Variants in SHROOM3 observed in about 807,000 individuals in gnomAD.
SHROOM3 encodes shroom family member 3.
SHROOM3 carries 47 observed loss-of-function variants against 138.6 expected under a neutral mutation model. The observed-to-expected ratio is 0.34, with a 90% CI of 0.27 to 0.43. The LOEUF (loss-of-function observed/expected upper bound fraction) is 0.43, where lower values mean the gene tolerates loss of function less well. Ranked by LOEUF, SHROOM3 falls within the 20% of genes least tolerant of loss-of-function variation. SHROOM3 has a pLI of 1.00. For missense variants in SHROOM3, 2,491 were observed against 2,596.5 expected (o/e 0.96, Z 0.88); for synonymous variants, 1,062 against 1,063.3 (o/e 1.00, Z 0.02).
intron 1 of SHROOM3, among the ~76,000 whole-genome samples, chr4:76,457,277 C>T (rs1320558033): frequency 2.0e-5 from 3 of 152,040 alleles, no homozygotes; most frequent in Admixed American, 6.6e-5. Context: ...CTCATGATAG[C>T]GAGTGAGTGA....
intron 1 of SHROOM3, among the ~76,000 whole-genome samples, chr4:76,493,975 A>G (rs1024365657): frequency 7.9e-5 from 12 of 152,242 alleles, no homozygotes; most frequent in Admixed American, 2.6e-4. Context: ...GTGAAACTCC[A>G]TCTCAAAATA....
At chr4:76,630,091 T>C (rs756191171) in intron 2 of SHROOM3, among the ~76,000 whole-genome samples, 47 of 152,200 alleles carry the variant, frequency 3.1e-4, no homozygotes, top group Admixed American at 1.4e-3. Flanking sequence ...ACTGCACCAA[T>C]CATAACCAGC....
At chr4:76,672,006 AG>A (rs1435471394) in intron 2 of SHROOM3, among the ~76,000 whole-genome samples, 1 of 152,188 alleles carries the variant, frequency 6.6e-6, no homozygotes, top group Non-Finnish European at 1.5e-5. Flanking sequence ...TTTTTGTATT[AG>A]GGATACTCAA....
At chr4:76,524,183 G>A (rs902976587) in intron 1 of SHROOM3, among the ~76,000 whole-genome samples, 4 of 152,346 alleles carry the variant, frequency 2.6e-5, no homozygotes, top group African/African-American at 7.2e-5. Flanking sequence ...TGTATATGCC[G>A]AGGAAGAAGA....
At chr4:76,767,848 G>C (rs1199776848) in intron 9 of SHROOM3, among the ~76,000 whole-genome samples, 1 of 152,016 alleles carries the variant, frequency 6.6e-6, no homozygotes, top group Admixed American at 6.5e-5. Flanking sequence ...TGAAAAACAG[G>C]CTGAAAAAAA....
At position 76,779,299 on chromosome 4, in the gene SHROOM3, AG is replaced by A; in HGVS notation, c.*124del. ...GTTATTGGTGTTTGTTCCTGATGAA[AG>A]GAAAAAAATTCTCTCCAGGAGGAAG... is the stretch of plus-strand genomic sequence containing the variant. On this transcript the variant is annotated 3_prime_UTR_variant, in exon 11 of 11. Transcript: ENST00000296043. 7.3e-7 allele frequency: 1 copy of A among 1,377,368 alleles called. No individual in the cohort carries two copies. Among genetic ancestry groups the A allele is most frequent in the Admixed American group, 2.5e-5 (1 of 40,238 alleles). The allele number at this position is 1,377,368 out of a possible 1,614,324, so 85.3% of individuals were successfully genotyped here. A position where few individuals can be genotyped will look rare whatever the true frequency, so the allele number is the denominator to read the frequency against.
At chr4:76,466,176 C>T (rs1306719658) in intron 1 of SHROOM3, among the ~76,000 whole-genome samples, 2 of 152,070 alleles carry the variant, frequency 1.3e-5, no homozygotes, top group Non-Finnish European at 2.9e-5. Context: ...TTTCATCTTT[C>T]AAGAATCAGC....
chr4:76,591,451 C>G (rs1263263830), intron 2 of SHROOM3, among the ~76,000 whole-genome samples: 1 of 152,154 alleles, frequency 6.6e-6, no homozygotes, highest in African/African-American at 2.4e-5. Flanking sequence ...GGCACACTTC[C>G]CTCAAGTTTT....
At chr4:76,552,686 A>G (rs1733390925) in intron 1 of SHROOM3, among the ~76,000 whole-genome samples, 1 of 151,408 alleles carries the variant, frequency 6.6e-6, no homozygotes, top group Non-Finnish European at 1.5e-5. Flanking sequence ...GTCTGCATAT[A>G]ATTTGTATAT....
intron 5 of SHROOM3, among the ~76,000 whole-genome samples, chr4:76,746,533 A>G (rs1405059131): frequency 1.3e-5 from 2 of 152,136 alleles, no homozygotes; most frequent in Admixed American, 1.3e-4. Flanking sequence ...CACACTCTAT[A>G]ATGTTTGCAC....
At chr4:76,546,626 G>A (rs771610657) in intron 1 of SHROOM3, among the ~76,000 whole-genome samples, 52 of 152,314 alleles carry the variant, frequency 3.4e-4, no homozygotes, top group East Asian at 1.5e-3. Flanking sequence ...ATGCCCAAAC[G>A]GCTTTGTTTG....
chr4:76,621,835 T>C (rs1375294062), intron 2 of SHROOM3, among the ~76,000 whole-genome samples: 1 of 150,980 alleles, frequency 6.6e-6, no homozygotes, highest in Non-Finnish European at 1.5e-5. Flanking sequence ...ATGTTCTTTT[T>C]TTTTTTTTTT....
rs963746778 is a variant in SHROOM3 at position 76,754,756 on chromosome 4, T to C, written c.4273T>C (p.Trp1425Arg). 2.5e-6 allele frequency: 4 copies of C among 1,614,040 alleles called. No individual in the cohort carries two copies. Among genetic ancestry groups the C allele is most frequent in the Non-Finnish European group, 3.4e-6 (4 of 1,180,014 alleles). ...GTRKRVSLPQ[W>R]PPPSRAKWAH... ...GAGGAAGAGGGTCTCGCTGCCTCAGTGGCCACCTCCTTCTCGAGCAAAGTG... is the reference window on the plus strand; with the variant it reads ...GAGGAAGAGGGTCTCGCTGCCTCAGCGGCCACCTCCTTCTCGAGCAAAGTG... Residue 1425 changes from tryptophan to arginine, a missense_variant, in exon 7 of 11, where the codon TGG becomes CGG. Trp to Arg is a moderately radical substitution (Grantham distance 101). This residue lies in a region of SHROOM3 where 1,733 missense variants were observed against 1,661.6 expected (regional missense o/e 1.04). Transcript: ENST00000296043.
chr4:76,535,152 C>CT (rs945555082), intron 1 of SHROOM3, among the ~76,000 whole-genome samples: 2 of 152,126 alleles, frequency 1.3e-5, no homozygotes, highest in African/African-American at 4.8e-5. Context: ...TAGGCCTTTC[C>CT]TTTTCAACTA....
chr4:76,758,262 G>A (rs1333359622), intron 8 of SHROOM3: 1 of 152,166 alleles, frequency 6.6e-6, no homozygotes, highest in African/African-American at 2.4e-5. Context: ...TAAGATTTTT[G>A]TAGGTGTGCC....
At chr4:76,602,595 A>G (rs888462023) in intron 2 of SHROOM3, among the ~76,000 whole-genome samples, 1 of 152,224 alleles carries the variant, frequency 6.6e-6, no homozygotes, top group African/African-American at 2.4e-5. Context: ...TACAATAAAT[A>G]AACTTCATTA....
chr4:76,537,284 C>A (rs1490970569), intron 1 of SHROOM3, among the ~76,000 whole-genome samples: 1 of 152,084 alleles, frequency 6.6e-6, no homozygotes, highest in African/African-American at 2.4e-5. Flanking sequence ...CTGAAGTAGA[C>A]CAATCCCAAG....
intron 1 of SHROOM3, among the ~76,000 whole-genome samples, chr4:76,530,546 TCTG>T (rs1477286255): frequency 2.0e-5 from 3 of 152,196 alleles, no homozygotes; most frequent in East Asian, 3.8e-4. Flanking sequence ...TGTGTATTGG[TCTG>T]CTATCTTTAG....
chr4:76,453,553 C>T (rs1184144346), intron 1 of SHROOM3, among the ~76,000 whole-genome samples: 1 of 152,022 alleles, frequency 6.6e-6, no homozygotes, highest in Non-Finnish European at 1.5e-5. Context: ...CCACTGTGCC[C>T]AATAAATAAT....
Sources: gnomAD v4.1 joint callset for allele counts (sites outside exome capture counted in the v4.1 genomes callset) on GRCh38, gnomAD v4.1.1 for gene constraint, gnomAD v4.1.1 regional missense constraint, MANE v1.5 for transcripts, NCBI Gene and HGNC (gene_info 2026-07-23, HGNC 2026-07-21) for gene names.